Variants in PPM1H observed in about 807,000 individuals in gnomAD.
PPM1H encodes the protein protein phosphatase 1H.
A neutral mutation model predicts 54.9 loss-of-function variants in PPM1H; 27 were observed. The observed-to-expected ratio is 0.49, with a 90% CI of 0.36 to 0.68. The LOEUF is 0.68. PPM1H is among the 30% of genes least tolerant of loss of function. The pLI, the probability that PPM1H is intolerant of heterozygous loss-of-function variation, is 0.00. For missense variants in PPM1H, 596 were observed against 667.8 expected (o/e 0.89, Z 1.19); for synonymous variants, 305 against 270.8 (o/e 1.13, Z -1.24).
intron 5 of PPM1H, among the ~76,000 whole-genome samples, chr12:62,735,814 T>G (rs1376088421): frequency 6.6e-6 from 1 of 152,120 alleles, no homozygotes; most frequent in Non-Finnish European, 1.5e-5. Context: ...GGAGTTCTCC[T>G]AACAGAAAAG....
intron 1 of PPM1H, among the ~76,000 whole-genome samples, chr12:62,932,747 G>T (rs1278811206): frequency 1.4e-5 from 2 of 144,038 alleles, no homozygotes; most frequent in South Asian, 2.2e-4. Flanking sequence ...CGATTCTCCC[G>T]CCTCAGCCTC....
intron 9 of PPM1H, among the ~76,000 whole-genome samples, chr12:62,655,579 A>T (rs906356627): frequency 6.6e-6 from 1 of 152,230 alleles, no homozygotes; most frequent in African/African-American, 2.4e-5. Flanking sequence ...TAGTAGAAGA[A>T]AATTTGAGTC....
rs1345178011 is a variant in PPM1H at position 62,802,169 on chromosome 12, G to A, written c.412-9C>T. The stretch of plus-strand genomic sequence containing the variant: ...GAAACACCCTCGGATTCCTGTGGGA[G>A]AGGACGACAGGGAGGAGTGAGAACG... On this transcript the variant is annotated splice_polypyrimidine_tract_variant and intron_variant, in intron 2 of 9. Coordinates refer to ENST00000228705, the MANE Select transcript of PPM1H (RefSeq NM_020700.2). The A allele has an allele frequency of 6.5e-7, 1 of 1,549,402 alleles. No homozygotes were observed. Among genetic ancestry groups the A allele is most frequent in the Non-Finnish European group, 8.7e-7 (1 of 1,144,972 alleles).
chr12:62,714,082 T>C (rs908311381), intron 6 of PPM1H, among the ~76,000 whole-genome samples: 3 of 152,220 alleles, frequency 2.0e-5, no homozygotes, highest in Non-Finnish European at 2.9e-5. Context: ...TCTTCTACTA[T>C]GTAGACCACA....
At chr12:62,832,079 C>G in intron 2 of PPM1H, 35 bp downstream of exon 2, 1 of 1,606,000 alleles carries the variant, frequency 6.2e-7, no homozygotes, top group South Asian at 1.1e-5. Context: ...TGCCATTCTT[C>G]TCACCTGAGA....
chr12:62,674,010 C>T (rs2075972198), intron 8 of PPM1H, among the ~76,000 whole-genome samples: 1 of 152,024 alleles, frequency 6.6e-6, no homozygotes, highest in African/African-American at 2.4e-5. Context: ...CACCACTGCA[C>T]CTGGCCTAGC....
chr12:62,860,293 C>A (rs950276315), intron 1 of PPM1H, among the ~76,000 whole-genome samples: 1 of 152,094 alleles, frequency 6.6e-6, no homozygotes, highest in Non-Finnish European at 1.5e-5. Context: ...ATTACCCTAC[C>A]GGGTCCCTCT....
At chr12:62,704,077 G>A (rs2076159831) in intron 6 of PPM1H, among the ~76,000 whole-genome samples, 1 of 151,678 alleles carries the variant, frequency 6.6e-6, no homozygotes, top group Non-Finnish European at 1.5e-5. Context: ...TATTTTAAAT[G>A]TCATCTTTTA....
intron 9 of PPM1H, among the ~76,000 whole-genome samples, chr12:62,665,311 A>G (rs1166740183): frequency 3.9e-5 from 6 of 152,282 alleles, no homozygotes; most frequent in South Asian, 4.1e-4. Context: ...CACCTCCCAA[A>G]GTGCTGGGAT....
At chr12:62,817,161 G>GAA (rs1179706449) in intron 2 of PPM1H, among the ~76,000 whole-genome samples, 9 of 75,294 alleles carry the variant, frequency 1.2e-4, no homozygotes, top group South Asian at 9.0e-4. Context: ...CTAAAAAAAA[G>GAA]AAAAAAAAAA....
intron 3 of PPM1H, among the ~76,000 whole-genome samples, chr12:62,800,563 T>C (rs1053180849): frequency 6.6e-6 from 1 of 152,114 alleles, no homozygotes; most frequent in African/African-American, 2.4e-5. Context: ...GGTCTCGAAC[T>C]CCTGACCTTG....
intron 5 of PPM1H, among the ~76,000 whole-genome samples, chr12:62,734,132 ATT>A (rs60742123): frequency 0.053 from 7,485 of 142,484 alleles, 242 homozygotes; most frequent in Non-Finnish European, 0.075. Context: ...TGCCACATGA[ATT>A]TTTTTTTTTT....
intron 5 of PPM1H, among the ~76,000 whole-genome samples, chr12:62,722,107 G>A: frequency 6.6e-6 from 1 of 152,220 alleles, no homozygotes; most frequent in East Asian, 1.9e-4. Flanking sequence ...ACAGGCCCAT[G>A]AAGCTCGTCA....
rs1371259167 is a variant in PPM1H, at chr12:62,647,961, G to GAAAC, written c.*524_*527dup. ...ACTCCACCACTGCCATAAAAGAATA[G>GAAAC]AAACAGAGAAGAAAAAAAGAGAAGG... On this transcript the variant is annotated 3_prime_UTR_variant, in exon 10 of 10. Coordinates refer to ENST00000228705, the MANE Select transcript of PPM1H (RefSeq NM_020700.2). 2 of 140,322 alleles carry GAAAC rather than the reference G, an allele frequency of 1.4e-5. No homozygotes were observed. Among genetic ancestry groups the GAAAC allele is most frequent in the African/African-American group, 2.6e-5 (1 of 38,030 alleles). 8.7% of individuals were successfully genotyped at this position (140,322 alleles called of 1,614,324 possible). A position where few individuals can be genotyped will look rare whatever the true frequency, so the allele number is the denominator to read the frequency against.
intron 2 of PPM1H, among the ~76,000 whole-genome samples, chr12:62,822,941 TC>T (rs2076913343): frequency 6.6e-6 from 1 of 151,986 alleles, no homozygotes; most frequent in Admixed American, 6.6e-5. Flanking sequence ...TTCAAAAAAA[TC>T]AATAAATTCA....
At chr12:62,845,264 T>C (rs1456664548) in intron 1 of PPM1H, among the ~76,000 whole-genome samples, 1 of 152,196 alleles carries the variant, frequency 6.6e-6, no homozygotes, top group African/African-American at 2.4e-5. Context: ...TTCCCTTCAC[T>C]GGAAATGTCC....
chr12:62,650,277 T>C (rs142324971), intron 9 of PPM1H, among the ~76,000 whole-genome samples: 11 of 152,314 alleles, frequency 7.2e-5, no homozygotes, highest in African/African-American at 2.4e-4. Context: ...AGAAAGGATA[T>C]TATAGTCAAT....
intron 8 of PPM1H, among the ~76,000 whole-genome samples, chr12:62,687,961 A>G (rs914328598): frequency 3.4e-5 from 5 of 146,588 alleles, no homozygotes; most frequent in African/African-American, 5.1e-5. Context: ...GTGAGCCAAC[A>G]TTGCACCACT....
chr12:62,893,782 C>A (rs773227680), intron 1 of PPM1H, among the ~76,000 whole-genome samples: 1 of 152,230 alleles, frequency 6.6e-6, no homozygotes, highest in African/African-American at 2.4e-5. Context: ...CCACCACACC[C>A]CGCGTTCATT....
Sources: gnomAD v4.1 joint callset for allele counts (sites outside exome capture counted in the v4.1 genomes callset) on GRCh38, gnomAD v4.1.1 for gene constraint, MANE v1.5 for transcripts, NCBI Gene and HGNC (gene_info 2026-07-23, HGNC 2026-07-21) for gene names.